CDK8: variants seen among roughly 807,000 people sequenced by gnomAD.
The protein encoded by CDK8 is cyclin dependent kinase 8, also known as cyclin-dependent kinase 8.
A neutral mutation model predicts 71.5 loss-of-function variants in CDK8; 29 were observed. That is an observed-to-expected ratio of 0.41 (90% CI 0.30 to 0.55). The LOEUF (loss-of-function observed/expected upper bound fraction) is 0.55. Ranked by LOEUF, CDK8 falls within the 20% of genes least tolerant of loss-of-function variation. The pLI is 0.37. For synonymous variants in CDK8, 161 were observed against 192.1 expected, an observed-to-expected ratio of 0.84 and a Z score of 1.34; for missense variants, 288 against 572.6, an observed-to-expected ratio of 0.50 and a Z score of 5.07.
chr13:26,264,021 A>G (rs1766318315), intron 1 of CDK8, among the ~76,000 whole-genome samples: 3 of 152,224 alleles, frequency 2.0e-5, no homozygotes, highest in Non-Finnish European at 4.4e-5. Flanking sequence ...TGCTGGGATT[A>G]CTGGCGTGAG....
chr13:26,272,299 CT>C (rs567564539), intron 1 of CDK8, among the ~76,000 whole-genome samples: 5 of 148,470 alleles, frequency 3.4e-5, no homozygotes, highest in South Asian at 4.3e-4. Context: ...CAAGACCAAA[CT>C]TTTTTTTTTA....
At chr13:26,389,459 C>T (rs1363840628) in intron 6 of CDK8, among the ~76,000 whole-genome samples, 1 of 151,960 alleles carries the variant, frequency 6.6e-6, no homozygotes, top group African/African-American at 2.4e-5. Context: ...GACACCCAGC[C>T]AAAAAGTTTT....
intron 1 of CDK8, among the ~76,000 whole-genome samples, chr13:26,279,545 A>G (rs1293149631): frequency 1.3e-5 from 2 of 152,168 alleles, no homozygotes; most frequent in Non-Finnish European, 2.9e-5. Flanking sequence ...AGACAGATCT[A>G]GAATTTGTGC....
chr13:26,326,807 C>T (rs1875040058), intron 1 of CDK8, among the ~76,000 whole-genome samples: 1 of 152,162 alleles, frequency 6.6e-6, no homozygotes, highest in African/African-American at 2.4e-5. Flanking sequence ...AATAGCCAGA[C>T]ACCTAATCTA....
intron 2 of CDK8, among the ~76,000 whole-genome samples, chr13:26,339,756 A>AAAAAAAT (rs1555231154): frequency 2.8e-5 from 4 of 142,984 alleles, no homozygotes; most frequent in African/African-American, 1.0e-4. Context: ...TTAAAAAAAA[A>AAAAAAAT]ATATATATAT....
Position 26,404,022 on chromosome 13 carries a change from G to T in CDK8, c.1336G>T (p.Gly446Ter). Residue 446 changes from glycine (G) to a stop codon, truncating the protein, a stop_gained, in exon 13 of 13, where the codon GGA becomes TGA. Transcript: ENST00000381527. LOFTEE classifies it high-confidence loss of function. ...CACATCACAGCCGCAGAGCAGCATG[G>T]GATACTCAGCTACCTCCCAGCAGCC... is the stretch of plus-strand genomic sequence containing the variant. ...PSTSQPQSSM[G>*]YSATSQQPPQ... is the part of the protein sequence containing the mutation. 6.2e-7 allele frequency: 1 copy of T among 1,613,950 alleles called. No individual in the cohort carries two copies. Among genetic ancestry groups the T allele is most frequent in the Non-Finnish European group, 8.5e-7 (1 of 1,179,988 alleles).
intron 1 of CDK8, among the ~76,000 whole-genome samples, chr13:26,292,992 G>C (rs1873370465): frequency 6.6e-6 from 1 of 152,168 alleles, no homozygotes; most frequent in Admixed American, 6.5e-5. Flanking sequence ...AGGACTGGGT[G>C]CTTTCAGTTA....
intron 7 of CDK8, 24 bp from the exon 8 acceptor site, chr13:26,396,261 A>T: frequency 9.4e-7 from 1 of 1,059,634 alleles, no homozygotes; most frequent in South Asian, 1.8e-5. Context: ...AGGCAACATA[A>T]AAATTTATCA....
chr13:26,339,698 TA>T (rs1873145373), intron 2 of CDK8, among the ~76,000 whole-genome samples: 2 of 122,328 alleles, frequency 1.6e-5, no homozygotes, highest in Admixed American at 9.6e-5. Flanking sequence ...CTTTCCATTT[TA>T]TTTATTTATT....
At chr13:26,392,324 CTTTTT>C (rs5802374) in intron 6 of CDK8, among the ~76,000 whole-genome samples, 2 of 100,338 alleles carry the variant, frequency 2.0e-5, no homozygotes, top group Admixed American at 2.4e-4. Context: ...ATTTATAACC[CTTTTT>C]TTTTTTTTTT....
intron 1 of CDK8, among the ~76,000 whole-genome samples, chr13:26,312,353 G>A (rs1333708181): frequency 1.3e-5 from 2 of 152,084 alleles, no homozygotes; most frequent in Non-Finnish European, 2.9e-5. Flanking sequence ...TGTTCTTCAC[G>A]ATAAATCTTG....
chr13:26,398,962 CAAAA>C (rs200778680), intron 9 of CDK8, among the ~76,000 whole-genome samples: 1 of 136,766 alleles, frequency 7.3e-6, no homozygotes, highest in Non-Finnish European at 1.6e-5. Flanking sequence ...GACTCTATCT[CAAAA>C]AAAAAAAAAA....
intron 5 of CDK8, among the ~76,000 whole-genome samples, 194 bp from the exon 6 acceptor site, chr13:26,385,017 G>A (rs1875409421): frequency 6.6e-6 from 1 of 152,176 alleles, no homozygotes; most frequent in African/African-American, 2.4e-5. Context: ...GAAGAACTGG[G>A]TAACAGTAAT....
At position 26,367,538 on chromosome 13, in the gene CDK8, G is replaced by A. The variant is rs549977947; in HGVS notation, c.456+13658G>A. Among the ~76,000 whole-genome samples, 8 of 152,206 alleles carry A rather than the reference G, an allele frequency of 5.3e-5. No homozygotes were observed. The South Asian group carries it at 8.3e-4, about 16-fold the overall frequency. ...TCACTTTTCTCAGCTATAAAATGGG[G>A]CCAGACCTATTTGTTTTTTCCTTTG... On this transcript the variant is annotated intron_variant, in intron 4 of 12. Transcript: ENST00000381527.
At chr13:26,300,518 TG>T (rs1442761184) in intron 1 of CDK8, among the ~76,000 whole-genome samples, 1 of 152,154 alleles carries the variant, frequency 6.6e-6, no homozygotes, top group Non-Finnish European at 1.5e-5. Flanking sequence ...AAGCCAACCA[TG>T]GATTGGGCGG....
intron 1 of CDK8, among the ~76,000 whole-genome samples, chr13:26,327,864 C>T (rs372412498): frequency 3.9e-4 from 59 of 150,938 alleles, no homozygotes; most frequent in African/African-American, 1.4e-3. Flanking sequence ...AATGCAAGAA[C>T]AATAATTGTT....
At chr13:26,386,599 C>A (rs1273569166) in intron 6 of CDK8, among the ~76,000 whole-genome samples, 3 of 152,090 alleles carry the variant, frequency 2.0e-5, no homozygotes, top group Non-Finnish European at 4.4e-5. Flanking sequence ...GATTTCATTT[C>A]TTATTTTGCT....
At position 26,254,639 on chromosome 13, in the gene CDK8, A is replaced by G. The variant is rs1189548109; in HGVS notation, c.-3A>G. On this transcript the variant is annotated 5_prime_UTR_variant, in exon 1 of 13. Coordinates refer to ENST00000381527, the MANE Select transcript of CDK8 (RefSeq NM_001260.3). This position sits in a 1 kb window ranked among gnomAD's most constrained non-coding sequence, Gnocchi z 6.7. ...CAGCTCTCCGGCCTCAGAGGCTGTG[A>G]CAATGGACTATGACTTTAAAGTGAA... The G allele has an allele frequency of 1.3e-6, 2 of 1,588,922 alleles. No homozygotes were observed. The highest frequency in any genetic ancestry group is 1.7e-6 in the Non-Finnish European group (2 of 1,166,410).
At chr13:26,272,995 T>C (rs550585047) in intron 1 of CDK8, among the ~76,000 whole-genome samples, 1 of 152,350 alleles carries the variant, frequency 6.6e-6, no homozygotes, top group South Asian at 2.1e-4. Flanking sequence ...TGTATCTATT[T>C]TTGCTTTTGT....
Sources: gnomAD v4.1 joint callset for allele counts (sites outside exome capture counted in the v4.1 genomes callset) on GRCh38, gnomAD v4.1.1 for gene constraint, Gnocchi (gnomAD v3.1) non-coding constraint, MANE v1.5 for transcripts, NCBI Gene and HGNC (gene_info 2026-07-23, HGNC 2026-07-21) for gene names.